Variants in LRMDA observed in about 807,000 individuals in gnomAD.
LRMDA encodes leucine-rich melanocyte differentiation-associated protein.
A neutral mutation model predicts 29.8 loss-of-function variants in LRMDA; 18 were observed. That is an observed-to-expected ratio of 0.60 (90% CI 0.42 to 0.90). The LOEUF (loss-of-function observed/expected upper bound fraction) is 0.90, where lower values mean the gene tolerates loss of function less well. Ranked by LOEUF, LRMDA falls within the 40% of genes least tolerant of loss-of-function variation. The probability of loss-of-function intolerance (pLI) is 0.00; values close to 1 mark genes in which losing one functional copy is unlikely to be tolerated. For missense variants in LRMDA, 273 were observed against 273.9 expected (o/e 1.00, Z 0.02); for synonymous variants, 125 against 109.4 (o/e 1.14, Z -0.89).
At chr10:76,480,911 G>A (rs1165522086) in intron 6 of LRMDA, among the ~76,000 whole-genome samples, 1 of 151,896 alleles carries the variant, frequency 6.6e-6, no homozygotes, top group Non-Finnish European at 1.5e-5. Context: ...GAAACAGTAA[G>A]TCCTGCCATT....
At chr10:76,207,084 C>T (rs1851550242) in intron 5 of LRMDA, among the ~76,000 whole-genome samples, 1 of 152,204 alleles carries the variant, frequency 6.6e-6, no homozygotes, top group Non-Finnish European at 1.5e-5. Flanking sequence ...CAAACTCAAG[C>T]CTGTCTGACT....
rs562608823 is a variant in LRMDA at position 75,493,940 on chromosome 10, G to C, written c.131+55446G>C. On this transcript the variant is annotated intron_variant, in intron 2 of 6. Transcript: ENST00000611255. The stretch of plus-strand genomic sequence containing the variant: ...GTGTAAATTATTATTATTTTTTAGA[G>C]ACAGGGTCTCACTGTATTGCCCAGG... 5.3e-5 allele frequency among the ~76,000 whole-genome samples: 8 copies of C among 152,182 alleles called. No homozygotes were observed. The South Asian group carries it at 8.3e-4, about 16-fold the overall frequency.
chr10:75,774,030 A>C (rs1195147166), intron 2 of LRMDA, among the ~76,000 whole-genome samples: 1 of 152,204 alleles, frequency 6.6e-6, no homozygotes, highest in Non-Finnish European at 1.5e-5. Context: ...TGTTCAGTAC[A>C]TGCTAAGTGA....
chr10:75,471,850 T>G (rs7898528), intron 2 of LRMDA, among the ~76,000 whole-genome samples: 40,840 of 145,808 alleles, frequency 0.28, 5,944 homozygotes, highest in African/African-American at 0.42. Context: ...TGTAGCCTTT[T>G]GAGGGTCTCC....
At chr10:76,507,028 G>A (rs2637243) in intron 6 of LRMDA, among the ~76,000 whole-genome samples, 110,853 of 151,820 alleles carry the variant, frequency 0.73, 41,190 homozygotes, top group Non-Finnish European at 0.81. Flanking sequence ...TAAATTTTTT[G>A]TACTGGCTGT....
At chr10:76,048,312 A>G (rs1219501178) in intron 4 of LRMDA, among the ~76,000 whole-genome samples, 4 of 152,310 alleles carry the variant, frequency 2.6e-5, no homozygotes, top group Admixed American at 2.6e-4. Context: ...CCAACCATGT[A>G]GGCAAGTTTT....
In LRMDA at chr10:76,324,408, G is replaced by T; in HGVS notation, c.524G>T (p.Ser175Ile). Residue 175 changes from serine to isoleucine, a missense_variant, in exon 6 of 7, where the codon AGT becomes ATT. Transcript: ENST00000611255. ...FMKVVKPKAS[S>I]EDVASSPERH... ...TTTGCTTTTGTCACACAGGCTTCTA[G>T]TGAGGACGTTGCCAGCTCCCCGGAG... The T allele has an allele frequency of 6.2e-7, 1 of 1,614,162 alleles. No individual in the cohort carries two copies. Among genetic ancestry groups the T allele is most frequent in the Non-Finnish European group, 8.5e-7 (1 of 1,180,020 alleles).
chr10:75,498,330 T>C (rs993083213), intron 2 of LRMDA, among the ~76,000 whole-genome samples: 4 of 152,202 alleles, frequency 2.6e-5, no homozygotes, highest in Admixed American at 1.3e-4. Context: ...AGTGTCCGTG[T>C]CCATATAGAT....
chr10:76,133,049 C>T (rs1309520944), intron 5 of LRMDA, among the ~76,000 whole-genome samples: 1 of 138,304 alleles, frequency 7.2e-6, no homozygotes, highest in African/African-American at 2.8e-5. Context: ...TCTCAATCTC[C>T]TGACCTCGTG....
intron 6 of LRMDA, among the ~76,000 whole-genome samples, chr10:76,326,525 A>AAG (rs1257471744): frequency 4.6e-5 from 7 of 152,368 alleles, no homozygotes; most frequent in Admixed American, 1.3e-4. Context: ...ATTCTTTCTC[A>AAG]AGTGAAATTC....
intron 5 of LRMDA, among the ~76,000 whole-genome samples, chr10:76,166,347 A>C (rs921500054): frequency 4.6e-5 from 7 of 152,122 alleles, no homozygotes; most frequent in South Asian, 4.1e-4. Context: ...TCAGGGGTAC[A>C]TGTGCAGGTT....
At chr10:75,814,740 G>A (rs1459190703) in intron 2 of LRMDA, among the ~76,000 whole-genome samples, 1 of 152,186 alleles carries the variant, frequency 6.6e-6, no homozygotes, top group Non-Finnish European at 1.5e-5. Context: ...CTTGAAAACA[G>A]AGCTGTATAC....
At chr10:76,417,494 T>C (rs1842028683) in intron 6 of LRMDA, among the ~76,000 whole-genome samples, 1 of 151,550 alleles carries the variant, frequency 6.6e-6, no homozygotes, top group Non-Finnish European at 1.5e-5. Context: ...ATACTGGCAA[T>C]GGCCCCTGCC....
intron 2 of LRMDA, among the ~76,000 whole-genome samples, chr10:75,831,548 G>A (rs1313068836): frequency 1.3e-5 from 2 of 152,168 alleles, no homozygotes; most frequent in Non-Finnish European, 2.9e-5. Context: ...GGTACAAACT[G>A]TTGGTGGATC....
At position 76,556,700 on chromosome 10, in the gene LRMDA, A is replaced by C. The variant is rs1843562287; in HGVS notation, c.602-509A>C. 2.0e-5 allele frequency among the ~76,000 whole-genome samples: 3 copies of C among 151,998 alleles called. No homozygotes were observed. In the South Asian group the frequency reaches 6.2e-4, roughly 32 times the overall value. Reference sequence around the variant, plus strand: ...ACCACCTCTCTTCCTTAATCATCCCATATGTGCTCAATGCCTGGTGCCTGC... The same window carrying C: ...ACCACCTCTCTTCCTTAATCATCCCCTATGTGCTCAATGCCTGGTGCCTGC... On this transcript the variant is annotated intron_variant, in intron 6 of 6. Coordinates refer to ENST00000611255, the MANE Select transcript of LRMDA (RefSeq NM_001305581.2).
chr10:76,053,952 C>A (rs11814788), intron 4 of LRMDA, among the ~76,000 whole-genome samples: 127 of 152,230 alleles, frequency 8.3e-4, no homozygotes, highest in Non-Finnish European at 1.4e-3. Flanking sequence ...GGGGATGGGG[C>A]CCTGCCATCT....
At chr10:75,671,945 C>T (rs1242119023) in intron 2 of LRMDA, among the ~76,000 whole-genome samples, 3 of 152,098 alleles carry the variant, frequency 2.0e-5, no homozygotes, top group Non-Finnish European at 4.4e-5. Context: ...ATTTTCTCTC[C>T]ACCCAATAGC....
At chr10:76,447,413 T>A (rs1842364463) in intron 6 of LRMDA, among the ~76,000 whole-genome samples, 1 of 152,226 alleles carries the variant, frequency 6.6e-6, no homozygotes, top group Non-Finnish European at 1.5e-5. Flanking sequence ...GGTTCTGTTT[T>A]TCCTTATTGG....
At chr10:76,112,779 G>A (rs1006127200) in intron 5 of LRMDA, among the ~76,000 whole-genome samples, 1 of 149,844 alleles carries the variant, frequency 6.7e-6, no homozygotes, top group Non-Finnish European at 1.5e-5. Flanking sequence ...GTGTGTTCTA[G>A]CCTGAGGGTG....
Sources: gnomAD v4.1 joint callset for allele counts (sites outside exome capture counted in the v4.1 genomes callset) on GRCh38, gnomAD v4.1.1 for gene constraint, MANE v1.5 for transcripts, NCBI Gene and HGNC (gene_info 2026-07-23, HGNC 2026-07-21) for gene names.